The following KMT2C variants were observed in gnomAD, a reference collection of about 807,000 sequenced individuals.
KMT2C encodes histone-lysine N-methyltransferase 2C.
In KMT2C, 88 loss-of-function variants were observed where a neutral mutation model predicts 507.9. That is an observed-to-expected ratio of 0.17 (90% CI 0.15 to 0.21). KMT2C has a LOEUF of 0.21. KMT2C is among the 10% of genes least tolerant of loss of function. KMT2C has a pLI of 1.00. For synonymous variants in KMT2C, 2,049 were observed against 2,080.8 expected (o/e 0.98, Z 0.42); for missense variants, 4,954 against 5,957.8 (o/e 0.83, Z 5.55).
rs139076513 is a variant in KMT2C at position 152,370,021 on chromosome 7, G to A, written c.162-11346C>T. The stretch of plus-strand genomic sequence containing the variant: ...ATCCTGGCTAACACGGTGAAACCCC[G>A]TCTCTACTAAAAATACAAAAAAATT... On this transcript the variant is annotated intron_variant, in intron 1 of 58. Coordinates refer to ENST00000262189, the MANE Select transcript of KMT2C (RefSeq NM_170606.3). Among the ~76,000 whole-genome samples the A allele has an allele frequency of 8.6e-3, 1,308 of 152,034 alleles. 21 individuals are homozygous for A. Among genetic ancestry groups the A allele is most frequent in the African/African-American group, 0.03 (1,259 of 41,476 alleles).
chr7:152,293,077 A>G (rs1436748999), intron 6 of KMT2C, among the ~76,000 whole-genome samples: 1 of 152,014 alleles, frequency 6.6e-6, no homozygotes, highest in African/African-American at 2.4e-5. Context: ...AAGACTTAGT[A>G]TAAAGCTACA....
chr7:152,201,025 C>G (rs1388502353), intron 26 of KMT2C, among the ~76,000 whole-genome samples: 1 of 152,038 alleles, frequency 6.6e-6, no homozygotes, highest in African/African-American at 2.4e-5. Flanking sequence ...AAATGATGAA[C>G]AGCAGAAAGC....
At chr7:152,329,802 T>C (rs759995311) in intron 3 of KMT2C, among the ~76,000 whole-genome samples, 2 of 152,004 alleles carry the variant, frequency 1.3e-5, no homozygotes, top group Non-Finnish European at 2.9e-5. Flanking sequence ...TATTCATGTC[T>C]TTCAAATAAG....
rs1563160745 is a variant in KMT2C at position 152,152,728 on chromosome 7, A to G, written c.12503T>C (p.Val4168Ala). The change falls in exon 49 of 59, where the codon GTA becomes GCA. Residue 4168 changes from valine to alanine, a missense_variant. By Grantham distance (64) the Val-to-Ala change is moderately conservative. This residue lies in a region of KMT2C where 417 missense variants were observed against 461.1 expected (regional missense o/e 0.90). Coordinates refer to ENST00000262189, the MANE Select transcript of KMT2C (RefSeq NM_170606.3). ...ACCATTGCTTGTTGGAGGAAATGGT[A>G]CATTAGGCTGCTTCAGCCGGTAAGA... Reference protein sequence around the residue: ...VSSYRLKQPNVPFPPTSNGLS... With the variant: ...VSSYRLKQPNAPFPPTSNGLS... 5 of 1,614,224 alleles carry G rather than the reference A, an allele frequency of 3.1e-6. No individual in the cohort carries two copies. The highest frequency in any genetic ancestry group is 4.2e-6 in the Non-Finnish European group (5 of 1,180,042).
rs2089820827 is a variant in KMT2C, at chr7:152,135,702, G to A, written c.*1130C>T. ...GTGTATTTTTAAGCAGTTATTCACA[G>A]TTATCACAAATTGTAAGCACAAAAA... On this transcript the variant is annotated 3_prime_UTR_variant, in exon 59 of 59. Coordinates refer to ENST00000262189, the MANE Select transcript of KMT2C (RefSeq NM_170606.3). The A allele has an allele frequency of 4.4e-6, 1 of 226,638 alleles. No individual in the cohort carries two copies. The highest frequency in any genetic ancestry group is 2.2e-5 in the African/African-American group (1 of 44,844). 14.0% of individuals were successfully genotyped at this position (226,638 alleles called of 1,614,324 possible). A position where few individuals can be genotyped will look rare whatever the true frequency, so the allele number is the denominator to read the frequency against.
chr7:152,343,141 T>C (rs1370518234), intron 2 of KMT2C, among the ~76,000 whole-genome samples: 1 of 151,976 alleles, frequency 6.6e-6, no homozygotes, highest in Non-Finnish European at 1.5e-5. Context: ...TAGAGCAACA[T>C]CAGAACTAGA....
At chr7:152,147,325 C>G (rs922715394) in intron 52 of KMT2C, among the ~76,000 whole-genome samples, 2 of 151,996 alleles carry the variant, frequency 1.3e-5, no homozygotes, top group African/African-American at 4.8e-5. Flanking sequence ...TATACATTGT[C>G]TTATGACAAT....
At chr7:152,279,126 T>C (rs1030740906) in intron 6 of KMT2C, among the ~76,000 whole-genome samples, 9 of 152,110 alleles carry the variant, frequency 5.9e-5, no homozygotes, top group Non-Finnish European at 1.2e-4. Flanking sequence ...AGCAGATGTG[T>C]CCCTAGACCT....
Position 152,291,953 on chromosome 7 carries a change from A to G in KMT2C, c.849+18013T>C, listed in dbSNP as rs1231527190. On this transcript the variant is annotated intron_variant, in intron 6 of 58. Transcript: ENST00000262189. ...GCTTGGCTAACAAATAAGCCATTGA[A>G]AAACTTACTTTAATTATAGCCTAAT... 3.3e-5 allele frequency among the ~76,000 whole-genome samples: 5 copies of G among 152,200 alleles called. No individual in the cohort carries two copies. The East Asian group carries it at 9.6e-4, about 29-fold the overall frequency.
Position 152,135,890 on chromosome 7 carries a change from C to T in KMT2C, c.*942G>A. On this transcript the variant is annotated 3_prime_UTR_variant, in exon 59 of 59. Coordinates refer to ENST00000262189, the MANE Select transcript of KMT2C (RefSeq NM_170606.3). ...AATAGACTGCGGTTTCCAAAAAACC[C>T]CCAACACTCTAGGTTGAAATTTTGG... is the stretch of plus-strand genomic sequence containing the variant. The T allele has an allele frequency of 4.3e-6, 1 of 231,364 alleles. No individual in the cohort carries two copies. The highest frequency in any genetic ancestry group is 8.6e-6 in the Non-Finnish European group (1 of 116,716). 14.3% of individuals were successfully genotyped at this position (231,364 alleles called of 1,614,324 possible).
At chr7:152,362,652 C>T (rs1208915604) in intron 1 of KMT2C, among the ~76,000 whole-genome samples, 1 of 152,014 alleles carries the variant, frequency 6.6e-6, no homozygotes, top group Non-Finnish European at 1.5e-5. Flanking sequence ...TCTCTCAGAC[C>T]CATGTTTTGC....
chr7:152,205,117 C>T lies in KMT2C; in HGVS notation c.3950G>A (p.Cys1317Tyr). ...AGTCAGTACTATACCATCATCTCTGCAAGGTAACTGCTCGGAAATAGAGCC... is the reference window on the plus strand; with the variant it reads ...AGTCAGTACTATACCATCATCTCTGTAAGGTAACTGCTCGGAAATAGAGCC... ...SSGSISEQLPCRDDGWSEQLP... is the reference protein window; with the variant it reads ...SSGSISEQLPYRDDGWSEQLP... Residue 1317 changes from cysteine (C) to tyrosine (Y), a missense_variant, in exon 25 of 59, where the codon TGC becomes TAC. Physicochemically the swap from Cys to Tyr is radical, Grantham distance 194 (BLOSUM62 -2). Coordinates refer to ENST00000262189, the MANE Select transcript of KMT2C (RefSeq NM_170606.3). The T allele has an allele frequency of 6.2e-7, 1 of 1,611,444 alleles. No individual in the cohort carries two copies. The highest frequency in any genetic ancestry group is 8.5e-7 in the Non-Finnish European group (1 of 1,178,440).
chr7:152,269,928 C>T (rs2095930269), intron 7 of KMT2C, among the ~76,000 whole-genome samples: 1 of 152,140 alleles, frequency 6.6e-6, no homozygotes, highest in Non-Finnish European at 1.5e-5. Flanking sequence ...TAAATTAGAA[C>T]AGAGCTTATC....
Position 152,258,100 on chromosome 7 carries a change from T to C in KMT2C, c.1299+4916A>G, listed in dbSNP as rs1378460287. 2.6e-5 allele frequency among the ~76,000 whole-genome samples: 4 copies of C among 152,054 alleles called. No individual in the cohort carries two copies. The East Asian group carries it at 7.7e-4, about 29-fold the overall frequency. On this transcript the variant is annotated intron_variant, in intron 9 of 58. Transcript: ENST00000262189. ...AGCACACCCAGCACCCATTCCCCAC[T>C]AAAGGAATCTGGGTTACTTATTTAA...
At chr7:152,382,258 G>A (rs983022386) in intron 1 of KMT2C, among the ~76,000 whole-genome samples, 3 of 152,200 alleles carry the variant, frequency 2.0e-5, no homozygotes, top group Non-Finnish European at 4.4e-5. Context: ...CAGAATAACA[G>A]TAAGAAATCA....
chr7:152,261,830 C>T (rs2095784917), intron 9 of KMT2C, among the ~76,000 whole-genome samples: 1 of 152,018 alleles, frequency 6.6e-6, no homozygotes. Context: ...AGAGTTTTTC[C>T]TTTCCAATGA....
chr7:152,242,917 G>T (rs1214298655), intron 14 of KMT2C, among the ~76,000 whole-genome samples: 1 of 152,110 alleles, frequency 6.6e-6, no homozygotes, highest in Non-Finnish European at 1.5e-5. Flanking sequence ...TAAAACCAAG[G>T]TTGCTTATAA....
At chr7:152,374,305 G>C (rs1046891612) in intron 1 of KMT2C, among the ~76,000 whole-genome samples, 1 of 150,520 alleles carries the variant, frequency 6.6e-6, no homozygotes, top group Non-Finnish European at 1.5e-5. Context: ...AAGAGAGCAA[G>C]ACTCTGTCTC....
At chr7:152,174,288 A>G in intron 38 of KMT2C, 46 bp from the exon 39 acceptor site, 1 of 903,810 alleles carries the variant, frequency 1.1e-6, no homozygotes, top group Non-Finnish European at 1.8e-6. Flanking sequence ...AATTAGTTCA[A>G]CGTACACTAA....
Sources: gnomAD v4.1 joint callset for allele counts (sites outside exome capture counted in the v4.1 genomes callset) on GRCh38, gnomAD v4.1.1 for gene constraint, gnomAD v4.1.1 regional missense constraint, MANE v1.5 for transcripts, NCBI Gene and HGNC (gene_info 2026-07-23, HGNC 2026-07-21) for gene names.